BACH2: variants seen among roughly 807,000 people sequenced by gnomAD.
BACH2 encodes transcription regulator protein BACH2.
Under a neutral mutation model 61.8 loss-of-function variants are expected in BACH2, and 5 were observed. The ratio of observed to expected loss-of-function variants is 0.08; its 90% CI spans 0.04 to 0.17. BACH2 has a LOEUF of 0.17. Among genes scored for constraint, BACH2 ranks in the 10% least tolerant of loss-of-function variants. The probability of loss-of-function intolerance (pLI) is 1.00; values close to 1 mark genes in which losing one functional copy is unlikely to be tolerated. For synonymous variants in BACH2, 446 were observed against 440.1 expected (o/e 1.01, Z -0.17); for missense variants, 824 against 1,091.1 (o/e 0.76, Z 3.45).
At chr6:90,295,675 G>A (rs1218960018) in intron 1 of BACH2, among the ~76,000 whole-genome samples, 2 of 151,960 alleles carry the variant, frequency 1.3e-5, no homozygotes, top group East Asian at 3.9e-4. Flanking sequence ...GTGTGTGTGT[G>A]TGTGTGTGTT....
At chr6:90,032,661 C>T (rs1171368867) in intron 5 of BACH2, among the ~76,000 whole-genome samples, 1 of 152,088 alleles carries the variant, frequency 6.6e-6, no homozygotes, top group East Asian at 1.9e-4. Context: ...AATGAGATAC[C>T]ATCTCACATT....
chr6:90,292,409 C>G (rs1772206494), intron 1 of BACH2, among the ~76,000 whole-genome samples: 1 of 152,148 alleles, frequency 6.6e-6, no homozygotes, highest in Non-Finnish European at 1.5e-5. Context: ...CAGGCATTAC[C>G]CAGCCAAGTT....
chr6:89,959,099 A>ACG (rs1466956165), intron 6 of BACH2, among the ~76,000 whole-genome samples: 9 of 13,924 alleles, frequency 6.5e-4, no homozygotes, highest in African/African-American at 2.1e-3. Flanking sequence ...GCACAAGTGC[A>ACG]CACACACACA....
intron 4 of BACH2, among the ~76,000 whole-genome samples, chr6:90,188,760 GAAA>G (rs57618295): frequency 7.6e-5 from 6 of 78,732 alleles, no homozygotes; most frequent in Admixed American, 3.0e-4. Flanking sequence ...GCCCCAAAAT[GAAA>G]AAAAAAAAAA....
intron 4 of BACH2, among the ~76,000 whole-genome samples, chr6:90,172,104 G>A (rs749841741): frequency 3.9e-5 from 6 of 152,072 alleles, no homozygotes; most frequent in African/African-American, 9.7e-5. Flanking sequence ...TCAGTAGTTC[G>A]AGACCAGCCT....
At chr6:90,013,510 CTT>C (rs35707698) in intron 5 of BACH2, among the ~76,000 whole-genome samples, 42 of 117,440 alleles carry the variant, frequency 3.6e-4, no homozygotes, top group Middle Eastern at 4.0e-3. Context: ...TTTTCTTTTT[CTT>C]TTTTTTTTTT....
chr6:89,969,202 T>C (rs1480882835), intron 6 of BACH2, among the ~76,000 whole-genome samples: 3 of 151,716 alleles, frequency 2.0e-5, no homozygotes, highest in Non-Finnish European at 4.4e-5. Context: ...TACAGGAATG[T>C]GTCACCACGC....
intron 4 of BACH2, among the ~76,000 whole-genome samples, chr6:90,160,520 G>A (rs772147577): frequency 1.3e-5 from 2 of 152,144 alleles, no homozygotes; most frequent in South Asian, 2.1e-4. Context: ...GAAGCAGCAC[G>A]TACAAAAATA....
intron 4 of BACH2, among the ~76,000 whole-genome samples, chr6:90,150,224 T>C (rs1484978379): frequency 6.6e-6 from 1 of 152,196 alleles, no homozygotes; most frequent in Admixed American, 6.5e-5. Context: ...TGCACTACTC[T>C]AGTTTGGACT....
intron 3 of BACH2, among the ~76,000 whole-genome samples, chr6:90,247,938 G>A (rs1038094580): frequency 1.3e-5 from 2 of 152,170 alleles, no homozygotes; most frequent in African/African-American, 4.8e-5. Context: ...CTTTCTTGGA[G>A]ATTAATTTTA....
At chr6:90,078,459 A>G (rs191477112) in intron 5 of BACH2, among the ~76,000 whole-genome samples, 1 of 152,298 alleles carries the variant, frequency 6.6e-6, no homozygotes, top group Admixed American at 6.5e-5. Flanking sequence ...TTAGTAACCT[A>G]AGAAGAAGCA....
At chr6:90,021,224 T>C (rs1778353523) in intron 5 of BACH2, among the ~76,000 whole-genome samples, 1 of 151,864 alleles carries the variant, frequency 6.6e-6, no homozygotes, top group African/African-American at 2.4e-5. Flanking sequence ...TCATTGACTC[T>C]TCATTCATTA....
chr6:90,287,997 T>G (rs757627937), intron 1 of BACH2, among the ~76,000 whole-genome samples: 2 of 152,202 alleles, frequency 1.3e-5, no homozygotes, highest in Non-Finnish European at 2.9e-5. Context: ...GGGAACTGGC[T>G]GCAAACCGTG....
intron 4 of BACH2, among the ~76,000 whole-genome samples, chr6:90,200,386 A>T (rs930579680): frequency 1.3e-5 from 2 of 152,246 alleles, no homozygotes; most frequent in Non-Finnish European, 2.9e-5. Flanking sequence ...GTTAATTTTT[A>T]AAAATTGAGG....
At chr6:90,037,799 T>C (rs903026276) in intron 5 of BACH2, among the ~76,000 whole-genome samples, 2 of 152,210 alleles carry the variant, frequency 1.3e-5, no homozygotes, top group Admixed American at 6.5e-5. Context: ...GATGGGGTCA[T>C]ACTGGAGTAG....
chr6:90,255,510 T>C (rs949385315), intron 2 of BACH2, among the ~76,000 whole-genome samples: 2 of 152,160 alleles, frequency 1.3e-5, no homozygotes, highest in Non-Finnish European at 2.9e-5. Context: ...ACAGAGGAGA[T>C]GGCATTTGAG....
intron 5 of BACH2, among the ~76,000 whole-genome samples, chr6:90,031,630 A>C (rs888496860): frequency 2.6e-5 from 4 of 152,212 alleles, no homozygotes; most frequent in African/African-American, 9.6e-5. Flanking sequence ...TAAAATACTT[A>C]GGAATCCAAC....
chr6:90,162,865 G>A (rs1304686504), intron 4 of BACH2, among the ~76,000 whole-genome samples: 3 of 152,108 alleles, frequency 2.0e-5, no homozygotes, highest in Non-Finnish European at 2.9e-5. Context: ...AAGTAATTAC[G>A]CTACACACTC....
intron 6 of BACH2, among the ~76,000 whole-genome samples, chr6:90,001,009 C>T (rs1777106986): frequency 6.6e-6 from 1 of 152,190 alleles, no homozygotes; most frequent in Non-Finnish European, 1.5e-5. Flanking sequence ...GGAAGCTAGC[C>T]AAGTTCAAGG....
Sources: allele counts gnomAD v4.1 joint callset (sites outside exome capture counted in the v4.1 genomes callset), GRCh38; gene constraint gnomAD v4.1.1; transcripts MANE v1.5; gene names NCBI Gene and HGNC (gene_info 2026-07-23, HGNC 2026-07-21).